The following MYO16 variants were observed in gnomAD, a reference collection of about 807,000 sequenced individuals.
MYO16 encodes unconventional myosin-XVI.
A neutral mutation model predicts 205.3 loss-of-function variants in MYO16; 94 were observed. The observed-to-expected ratio is 0.46, with a 90% CI of 0.39 to 0.54. The LOEUF is 0.54. Ranked by LOEUF, MYO16 falls within the 20% of genes least tolerant of loss-of-function variation. MYO16 has a pLI of 0.00. For synonymous variants in MYO16, 988 were observed against 954.0 expected (o/e 1.04, Z -0.66); for missense variants, 2,315 against 2,387.5 (o/e 0.97, Z 0.63).
At chr13:108,693,627 C>A (rs1882982498) in intron 2 of MYO16, among the ~76,000 whole-genome samples, 1 of 152,142 alleles carries the variant, frequency 6.6e-6, no homozygotes, top group Admixed American at 6.5e-5. Context: ...ATGCATTGAT[C>A]AGTTCATGAG....
intron 9 of MYO16, among the ~76,000 whole-genome samples, chr13:108,837,369 T>C (rs1455430182): frequency 6.6e-6 from 1 of 152,188 alleles, no homozygotes; most frequent in African/African-American, 2.4e-5. Flanking sequence ...TGTGTCCTTA[T>C]AGCAGCATGC....
At chr13:109,115,649 A>G (rs1594098659) in intron 28 of MYO16, among the ~76,000 whole-genome samples, 1 of 152,222 alleles carries the variant, frequency 6.6e-6, no homozygotes, top group African/African-American at 2.4e-5. Context: ...ATAACACTGT[A>G]AGACTGATTA....
intron 34 of MYO16, among the ~76,000 whole-genome samples, chr13:109,179,855 A>G (rs942315667): frequency 3.3e-5 from 5 of 152,164 alleles, no homozygotes; most frequent in African/African-American, 1.2e-4. Context: ...CAAAACAACT[A>G]AAACATAATA....
intron 34 of MYO16, among the ~76,000 whole-genome samples, chr13:109,201,999 A>C (rs1880414277): frequency 6.6e-6 from 1 of 151,988 alleles, no homozygotes; most frequent in Non-Finnish European, 1.5e-5. Flanking sequence ...TCATATATCT[A>C]TACATCATAC....
intron 24 of MYO16, among the ~76,000 whole-genome samples, chr13:109,049,299 C>G (rs1342439586): frequency 6.6e-6 from 1 of 152,064 alleles, no homozygotes; most frequent in East Asian, 1.9e-4. Flanking sequence ...CCAGGAGTTC[C>G]TTTGCTCGGT....
At chr13:108,829,965 T>C (rs1876510019) in intron 9 of MYO16, among the ~76,000 whole-genome samples, 1 of 144,830 alleles carries the variant, frequency 6.9e-6, no homozygotes. Context: ...GAACAGACAC[T>C]TCTCAAAAGA....
At chr13:108,504,586 A>C in the MYO16 span, among the ~76,000 whole-genome samples, 16 of 151,616 alleles carry the variant, frequency 1.1e-4, no homozygotes, top group Admixed American at 4.6e-4. Context: ...CCAGGGCTGG[A>C]GTGCAGTGGC....
At chr13:109,046,581 G>A (rs1887051328) in intron 23 of MYO16, among the ~76,000 whole-genome samples, 1 of 152,166 alleles carries the variant, frequency 6.6e-6, no homozygotes, top group Non-Finnish European at 1.5e-5. Flanking sequence ...TTTCGCAAGT[G>A]TGTTTACTTG....
chr13:108,920,908 G>A (rs1881720345), intron 16 of MYO16, among the ~76,000 whole-genome samples: 1 of 152,212 alleles, frequency 6.6e-6, no homozygotes, highest in African/African-American at 2.4e-5. Flanking sequence ...TGATGTGGCT[G>A]GTCACTGGAG....
chr13:108,846,462 T>TTA (rs1018356816), intron 10 of MYO16, among the ~76,000 whole-genome samples: 45 of 151,050 alleles, frequency 3.0e-4, no homozygotes, highest in Admixed American at 2.0e-3. Flanking sequence ...AATAATATCA[T>TTA]TATATATATA....
the MYO16 span, among the ~76,000 whole-genome samples, chr13:108,564,172 C>CTTT: frequency 4.7e-5 from 6 of 126,704 alleles, no homozygotes; most frequent in African/African-American, 1.2e-4. Context: ...CTATTGCCTT[C>CTTT]TTTTTTTTTT....
intron 16 of MYO16, among the ~76,000 whole-genome samples, chr13:108,942,077 C>T (rs914140375): frequency 5.9e-5 from 9 of 152,278 alleles, no homozygotes; most frequent in South Asian, 2.1e-4. Context: ...TACAATTCTG[C>T]ACTTCCAGAG....
At chr13:108,856,766 C>T (rs1426490712) in intron 11 of MYO16, among the ~76,000 whole-genome samples, 1 of 152,162 alleles carries the variant, frequency 6.6e-6, no homozygotes, top group Non-Finnish European at 1.5e-5. Context: ...CTCTCCACCC[C>T]GGTGGTAAGC....
chr13:108,773,217 A>C (rs541524069), intron 4 of MYO16, among the ~76,000 whole-genome samples: 1 of 152,328 alleles, frequency 6.6e-6, no homozygotes, highest in East Asian at 1.9e-4. Context: ...CTGGAAGTTA[A>C]AATGTTAGCA....
intron 30 of MYO16, among the ~76,000 whole-genome samples, chr13:109,126,755 C>G (rs534948327): frequency 1.3e-5 from 2 of 152,084 alleles, no homozygotes; most frequent in South Asian, 4.2e-4. Flanking sequence ...ATTTAAGAGG[C>G]AAGAAAGAGA....
At chr13:109,180,874 G>A (rs1879423164) in intron 34 of MYO16, among the ~76,000 whole-genome samples, 1 of 152,188 alleles carries the variant, frequency 6.6e-6, no homozygotes, top group South Asian at 2.1e-4. Context: ...ATGCACAGGG[G>A]AACCTCCTGG....
At chr13:108,854,898 C>T (rs1878088018) in intron 10 of MYO16, among the ~76,000 whole-genome samples, 2 of 152,122 alleles carry the variant, frequency 1.3e-5, no homozygotes. Context: ...CTCATAGCTA[C>T]CTTAATCTTA....
chr13:108,884,945 G>A (rs111444625), intron 13 of MYO16, among the ~76,000 whole-genome samples: 2 of 149,546 alleles, frequency 1.3e-5, no homozygotes, highest in African/African-American at 4.9e-5. Flanking sequence ...TTCTAGACAC[G>A]AGGGTGATAA....
At chr13:108,833,043 C>T (rs1876710896) in intron 9 of MYO16, among the ~76,000 whole-genome samples, 1 of 152,014 alleles carries the variant, frequency 6.6e-6, no homozygotes, top group Non-Finnish European at 1.5e-5. Context: ...CAGAATCTTC[C>T]TTCATATATA....
Sources: gnomAD v4.1 joint callset for allele counts (sites outside exome capture counted in the v4.1 genomes callset) on GRCh38, gnomAD v4.1.1 for gene constraint, MANE v1.5 for transcripts, NCBI Gene and HGNC (gene_info 2026-07-23, HGNC 2026-07-21) for gene names.